HYDIN: variants seen among roughly 807,000 people sequenced by gnomAD.
HYDIN encodes HYDIN axonemal central pair apparatus protein, also known as axonemal central pair apparatus protein HYDIN.
A neutral mutation model predicts 403.9 loss-of-function variants in HYDIN; 132 were observed. The ratio of observed to expected loss-of-function variants is 0.33; its 90% CI spans 0.28 to 0.38. The LOEUF is 0.38. Among genes scored for constraint, HYDIN ranks in the 10% least tolerant of loss-of-function variants. The pLI is 1.00. For synonymous variants in HYDIN, 1,202 were observed against 1,891.7 expected (o/e 0.64, Z 9.46); for missense variants, 2,827 against 5,009.5 (o/e 0.56, Z 13.15).
At position 70,834,115 on chromosome 16, in the gene HYDIN, ACTT is replaced by A; in HGVS notation, c.13448_13450del (p.Glu4483del). The A allele has an allele frequency of 6.2e-7, 1 of 1,613,214 alleles. No individual in the cohort carries two copies. Among genetic ancestry groups the A allele is most frequent in the Non-Finnish European group, 8.5e-7 (1 of 1,179,648 alleles). On this transcript the variant is annotated inframe_deletion, in exon 79 of 86. Transcript: ENST00000393567. Reference sequence around the variant, plus strand: ...GGCAAAGATGACTTCCAGTTTACAGACTTCTTTGGGCTTCAGTGTGATGTTGTG... The same window carrying A: ...GGCAAAGATGACTTCCAGTTTACAGACTTTGGGCTTCAGTGTGATGTTGTG...
intron 5 of HYDIN, among the ~76,000 whole-genome samples, chr16:71,163,622 T>C (rs2086104472): frequency 1.3e-5 from 2 of 152,294 alleles, no homozygotes; most frequent in Admixed American, 6.5e-5. Flanking sequence ...GCCAATGGCA[T>C]GTGAACAAGC....
At position 71,063,990 on chromosome 16, in the gene HYDIN, G is replaced by A. The variant is rs1429847803; in HGVS notation, c.2211+715C>T. Among the ~76,000 whole-genome samples, 2 of 125,640 alleles carry A rather than the reference G, an allele frequency of 1.6e-5. 1 individual carries two copies. The highest frequency in any genetic ancestry group is 1.5e-4 in the Admixed American group (2 of 13,038). The allele number at this position is 125,640 out of a possible 152,430, so 82.4% of individuals were successfully genotyped here. On this transcript the variant is annotated intron_variant, in intron 16 of 85. Transcript: ENST00000393567. ...GCCTTGGTTCTGTGGCCTCCATATTGCTGTTTTAACTTCCATTGATCTTGT... is the reference window on the plus strand; with the variant it reads ...GCCTTGGTTCTGTGGCCTCCATATTACTGTTTTAACTTCCATTGATCTTGT...
chr16:71,107,889 A>G (rs2083674788), intron 10 of HYDIN, among the ~76,000 whole-genome samples: 1 of 152,192 alleles, frequency 6.6e-6, no homozygotes, highest in African/African-American at 2.4e-5. Context: ...TTGCAGCACT[A>G]GTCACAATAG....
intron 23 of HYDIN, among the ~76,000 whole-genome samples, chr16:71,016,997 G>A (rs2080282207): frequency 6.6e-6 from 1 of 151,416 alleles, no homozygotes; most frequent in African/African-American, 2.4e-5. Context: ...TTTCCCCCAT[G>A]CTGTTCTCGT....
chr16:70,954,579 C>T (rs1439959896), intron 40 of HYDIN, among the ~76,000 whole-genome samples: 3 of 152,022 alleles, frequency 2.0e-5, no homozygotes, highest in Non-Finnish European at 4.4e-5. Context: ...TACATGACAT[C>T]GCTCTCTCCT....
intron 6 of HYDIN, among the ~76,000 whole-genome samples, chr16:71,153,042 C>G (rs540642407): frequency 5.4e-4 from 83 of 152,312 alleles, no homozygotes; most frequent in South Asian, 4.6e-3. Context: ...TGCCATTCAG[C>G]CCTGCTTTTA....
At chr16:70,836,236 C>A (rs1193199235) in intron 77 of HYDIN, among the ~76,000 whole-genome samples, 1 of 152,192 alleles carries the variant, frequency 6.6e-6, no homozygotes, top group African/African-American at 2.4e-5. Context: ...AGGGAGACAA[C>A]CTGTGGCCAG....
chr16:71,216,909 C>T (rs2088909153), intron 1 of HYDIN, among the ~76,000 whole-genome samples: 1 of 152,152 alleles, frequency 6.6e-6, no homozygotes, highest in African/African-American at 2.4e-5. Flanking sequence ...GCTTCCCAAC[C>T]CCACCACAAG....
At chr16:70,831,270 G>A (rs1246264678) in intron 80 of HYDIN, among the ~76,000 whole-genome samples, 4 of 151,958 alleles carry the variant, frequency 2.6e-5, no homozygotes, top group Admixed American at 2.6e-4. Context: ...AGCACTTTGG[G>A]AGGCCAAGTT....
At chr16:71,030,241 G>A (rs1474173503) in intron 19 of HYDIN, among the ~76,000 whole-genome samples, 3 of 151,866 alleles carry the variant, frequency 2.0e-5, no homozygotes, top group Admixed American at 2.0e-4. Flanking sequence ...TAGAGATAGG[G>A]GGGTCTCCCT....
At chr16:71,209,443 G>T (rs1026856964) in intron 1 of HYDIN, among the ~76,000 whole-genome samples, 2 of 151,892 alleles carry the variant, frequency 1.3e-5, no homozygotes, top group Admixed American at 6.6e-5. Context: ...ACATCATACT[G>T]AATGGGCAAA....
rs764962326 is a variant in HYDIN at position 71,186,826 on chromosome 16, A to T, written c.70T>A (p.Phe24Ile). The T allele has an allele frequency of 4.3e-6, 7 of 1,613,416 alleles. No individual in the cohort carries two copies. The African/African-American group carries it at 9.3e-5, about 22-fold the overall frequency. The stretch of plus-strand genomic sequence containing the variant: ...AGGGGTGGCAAAACCTTGCTTTGAA[A>T]TCCTTTGAACATATTGACCAATCCC... ...QMGLVNMFKG[F>I]QSKVLPPLSP... The change falls in exon 2 of 86, where the codon TTT (phenylalanine) becomes ATT (isoleucine). Residue 24 changes from phenylalanine (F) to isoleucine (I), a missense_variant. By Grantham distance (21) the Phe-to-Ile change is conservative. Coordinates refer to ENST00000393567, the MANE Select transcript of HYDIN (RefSeq NM_001270974.2).
At chr16:70,948,550 C>A (rs1368173451) in intron 41 of HYDIN, among the ~76,000 whole-genome samples, 1 of 151,890 alleles carries the variant, frequency 6.6e-6, no homozygotes, top group East Asian at 1.9e-4. Context: ...ATTTTTGCAA[C>A]CTACTCATCT....
intron 36 of HYDIN, among the ~76,000 whole-genome samples, chr16:70,968,709 T>A (rs1367639481): frequency 6.6e-6 from 1 of 152,010 alleles, no homozygotes; most frequent in African/African-American, 2.4e-5. Flanking sequence ...AGGTCCAGAG[T>A]CTCATAACAT....
chr16:71,175,981 A>T (rs2086654736), intron 4 of HYDIN: 1 of 515,792 alleles, frequency 1.9e-6, no homozygotes, highest in Non-Finnish European at 3.5e-6. Flanking sequence ...TTATTATTAC[A>T]AGTCTTTGTT....
At chr16:71,066,791 A>T in intron 15 of HYDIN, 1 of 446,166 alleles carries the variant, frequency 2.2e-6, no homozygotes, top group South Asian at 1.6e-5. Flanking sequence ...ACCTTGTTAA[A>T]GATGAGCCTC....
chr16:71,213,590 T>C (rs8046183), intron 1 of HYDIN, among the ~76,000 whole-genome samples: 2 of 151,880 alleles, frequency 1.3e-5, no homozygotes, highest in Admixed American at 6.6e-5. Context: ...AATCCAGCAA[T>C]AACATATTGA....
chr16:70,921,969 G>T (rs968746838), intron 45 of HYDIN, among the ~76,000 whole-genome samples: 5 of 152,138 alleles, frequency 3.3e-5, no homozygotes, highest in African/African-American at 4.8e-5. Flanking sequence ...CCTCGGGTAG[G>T]CTCCATCGTT....
chr16:70,833,560 C>G (rs2037164474), intron 79 of HYDIN, among the ~76,000 whole-genome samples: 1 of 133,906 alleles, frequency 7.5e-6, no homozygotes, highest in Non-Finnish European at 1.6e-5. Flanking sequence ...TGTGGTCCTC[C>G]CTCTGTGGTT....
Sources: allele counts gnomAD v4.1 joint callset (sites outside exome capture counted in the v4.1 genomes callset), GRCh38; gene constraint gnomAD v4.1.1; transcripts MANE v1.5; gene names NCBI Gene and HGNC (gene_info 2026-07-23, HGNC 2026-07-21).